The following FANCC variants were observed in gnomAD, a reference collection of about 807,000 sequenced individuals.
The protein encoded by FANCC is Fanconi anemia group C protein.
Under a neutral mutation model 71.3 loss-of-function variants are expected in FANCC, and 55 were observed. The ratio of observed to expected loss-of-function variants is 0.77; its 90% CI spans 0.62 to 0.97. The LOEUF (loss-of-function observed/expected upper bound fraction) is 0.97, where lower values mean the gene tolerates loss of function less well. Among genes scored for constraint, FANCC ranks in the 50% least tolerant of loss-of-function variants. The pLI, the probability that FANCC is intolerant of heterozygous loss-of-function variation, is 0.00. For missense variants in FANCC, 678 were observed against 670.9 expected, an observed-to-expected ratio of 1.01 and a Z score of -0.12; for synonymous variants, 275 against 244.9, an observed-to-expected ratio of 1.12 and a Z score of -1.15.
intron 1 of FANCC, among the ~76,000 whole-genome samples, chr9:95,304,618 C>T (rs976337875): frequency 2.0e-5 from 3 of 150,778 alleles, no homozygotes; most frequent in East Asian, 1.9e-4. Flanking sequence ...GGCGTGGTGG[C>T]GAGCGCCTGT....
At position 95,125,014 on chromosome 9, in the gene FANCC, C is replaced by T. The variant is rs1201491896; in HGVS notation, c.996+72G>A. On this transcript the variant is annotated intron_variant, in intron 10 of 14. Coordinates refer to ENST00000289081, the MANE Select transcript of FANCC (RefSeq NM_000136.3). ...CATCAAAATTATTGAAAATAAAGTG[C>T]TCTTGTCCAAAATACTCTCAACAGC... 3.8e-6 allele frequency: 5 copies of T among 1,311,548 alleles called. No individual in the cohort carries two copies. In the African/African-American group the frequency reaches 7.2e-5, roughly 19 times the overall value. 81.2% of individuals were successfully genotyped at this position (1,311,548 alleles called of 1,614,324 possible).
intron 4 of FANCC, among the ~76,000 whole-genome samples, chr9:95,220,553 T>C (rs1436799849): frequency 6.6e-6 from 1 of 152,174 alleles, no homozygotes; most frequent in African/African-American, 2.4e-5. Flanking sequence ...AAAGGATGTG[T>C]TCATGTCCTT....
At chr9:95,109,212 A>C (rs1010927484) in intron 13 of FANCC, among the ~76,000 whole-genome samples, 1 of 152,214 alleles carries the variant, frequency 6.6e-6, no homozygotes, top group Non-Finnish European at 1.5e-5. Flanking sequence ...ACACCCGTCC[A>C]AGAGCATGAT....
intron 1 of FANCC, among the ~76,000 whole-genome samples, chr9:95,290,351 T>TATAACCA: frequency 6.6e-6 from 1 of 152,200 alleles, no homozygotes; most frequent in Non-Finnish European, 1.5e-5. Flanking sequence ...ATCTTCCAAG[T>TATAACCA]ATAACCAATG....
In FANCC at chr9:95,165,361, A is replaced by C. The variant is rs1424574357; in HGVS notation, c.521+5718T>G. ...AGGTTTCTGATTTGAGATCCTTCTT[A>C]TTTTCTTTTTTTTTCTTCCTTCAAA... On this transcript the variant is annotated intron_variant, in intron 6 of 14. Transcript: ENST00000289081. Among the ~76,000 whole-genome samples, 5 of 148,556 alleles carry C rather than the reference A, an allele frequency of 3.4e-5. No homozygotes were observed. The East Asian group carries it at 8.0e-4, about 24-fold the overall frequency.
intron 4 of FANCC, among the ~76,000 whole-genome samples, chr9:95,206,622 A>T (rs1348779018): frequency 6.6e-6 from 1 of 152,176 alleles, no homozygotes; most frequent in Admixed American, 6.5e-5. Flanking sequence ...GCCACTCTAA[A>T]TTCCCTTTCA....
Position 95,100,553 on chromosome 9 carries a change from C to G in FANCC, c.*1154G>C. On this transcript the variant is annotated 3_prime_UTR_variant, in exon 15 of 15. Transcript: ENST00000289081. Reference sequence around the variant, plus strand: ...GAATAGACACAAAAGAATGTACAACCAATACAATTCCAGAATGTCCCTGAA... The same window carrying G: ...GAATAGACACAAAAGAATGTACAACGAATACAATTCCAGAATGTCCCTGAA... 4.3e-6 allele frequency: 1 copy of G among 231,602 alleles called. No homozygotes were observed. The highest frequency in any genetic ancestry group is 8.5e-6 in the Non-Finnish European group (1 of 116,960). The allele number at this position is 231,602 out of a possible 1,614,324, so 14.3% of individuals were successfully genotyped here.
chr9:95,101,453 C>T lies in FANCC; in HGVS notation c.*254G>A, dbSNP rs773331481. On this transcript the variant is annotated 3_prime_UTR_variant, in exon 15 of 15. Transcript: ENST00000289081. The stretch of plus-strand genomic sequence containing the variant: ...GTAATTATCAAGCTGACGGTCTGGC[C>T]GGGCGGGCACCAGGAGTACCGAAGG... The T allele has an allele frequency of 1.9e-4, 107 of 549,734 alleles. No homozygotes were observed. The highest frequency in any genetic ancestry group is 2.9e-4 in the Non-Finnish European group (87 of 304,946). 34.1% of individuals were successfully genotyped at this position (549,734 alleles called of 1,614,324 possible). A position where few individuals can be genotyped will look rare whatever the true frequency, so the allele number is the denominator to read the frequency against.
intron 4 of FANCC, among the ~76,000 whole-genome samples, chr9:95,226,273 T>C (rs1221123437): frequency 6.6e-6 from 1 of 152,156 alleles, no homozygotes; most frequent in Non-Finnish European, 1.5e-5. Flanking sequence ...CTTACAAAAG[T>C]ATAAAAAAAT....
At chr9:95,281,757 A>G (rs984882880) in intron 1 of FANCC, among the ~76,000 whole-genome samples, 5 of 152,134 alleles carry the variant, frequency 3.3e-5, no homozygotes, top group Non-Finnish European at 7.4e-5. Flanking sequence ...ATAAAAAGAT[A>G]TAAATTTTGA....
At chr9:95,256,029 A>T (rs774022469) in intron 1 of FANCC, among the ~76,000 whole-genome samples, 1 of 152,098 alleles carries the variant, frequency 6.6e-6, no homozygotes, top group African/African-American at 2.4e-5. Context: ...GAAATTCGGG[A>T]CTATGTGAAA....
In FANCC at chr9:95,288,130, T is replaced by A. The variant is rs1694163906; in HGVS notation, c.-79+29396A>T. Among the ~76,000 whole-genome samples the A allele has an allele frequency of 2.0e-5, 3 of 152,342 alleles. No individual in the cohort carries two copies. In the South Asian group the frequency reaches 6.2e-4, roughly 32 times the overall value. ...AAAATAAAATGCTATAATTTAATTTTAATATTAATAAGTGGAATAATTATT... is the reference window on the plus strand; with the variant it reads ...AAAATAAAATGCTATAATTTAATTTAAATATTAATAAGTGGAATAATTATT... On this transcript the variant is annotated intron_variant, in intron 1 of 14. Coordinates refer to ENST00000289081, the MANE Select transcript of FANCC (RefSeq NM_000136.3).
At chr9:95,275,255 G>A (rs958476668) in intron 1 of FANCC, among the ~76,000 whole-genome samples, 2 of 151,934 alleles carry the variant, frequency 1.3e-5, no homozygotes, top group African/African-American at 4.8e-5. Flanking sequence ...CCACACTCCT[G>A]CCTGGATAAC....
At chr9:95,115,267 T>A (rs1295357659) in intron 11 of FANCC, among the ~76,000 whole-genome samples, 2 of 152,210 alleles carry the variant, frequency 1.3e-5, no homozygotes, top group Non-Finnish European at 2.9e-5. Flanking sequence ...TTCAGGTACA[T>A]GGAAGTAGCT....
intron 4 of FANCC, among the ~76,000 whole-genome samples, chr9:95,194,005 C>T (rs1827261931): frequency 6.6e-6 from 1 of 152,040 alleles, no homozygotes; most frequent in Non-Finnish European, 1.5e-5. Context: ...TCCAAGGCTG[C>T]ACACCAGTAC....
chr9:95,292,625 C>G (rs528595800), intron 1 of FANCC: 9 of 1,423,712 alleles, frequency 6.3e-6, no homozygotes, highest in Admixed American at 1.7e-5. Context: ...TCCTGCCCAA[C>G]AGCCCCGCGC....
At chr9:95,231,569 C>G (rs958898240) in intron 4 of FANCC, among the ~76,000 whole-genome samples, 1 of 152,186 alleles carries the variant, frequency 6.6e-6, no homozygotes, top group Non-Finnish European at 1.5e-5. Flanking sequence ...AAAACCCAGT[C>G]TCACTCACCA....
intron 1 of FANCC, chr9:95,293,202 G>T: frequency 6.2e-7 from 1 of 1,612,420 alleles, no homozygotes. Context: ...ACATCACCGA[G>T]ATAGCCTCAA....
At chr9:95,181,158 ATTGT>A (rs1826333937) in intron 4 of FANCC, among the ~76,000 whole-genome samples, 1 of 45,734 alleles carries the variant, frequency 2.2e-5, no homozygotes, top group South Asian at 8.2e-4. Context: ...ACACGTACAC[ATTGT>A]GTGTGTGTGT....
Sources: gnomAD v4.1 joint callset for allele counts (sites outside exome capture counted in the v4.1 genomes callset) on GRCh38, gnomAD v4.1.1 for gene constraint, MANE v1.5 for transcripts, NCBI Gene and HGNC (gene_info 2026-07-23, HGNC 2026-07-21) for gene names.